The following G6PC2 variants were observed in gnomAD, a reference collection of about 807,000 sequenced individuals.
G6PC2 encodes glucose-6-phosphatase 2.
A neutral mutation model predicts 35.4 loss-of-function variants in G6PC2; 41 were observed. That is an observed-to-expected ratio of 1.16 (90% CI 0.90 to 1.50). The LOEUF is 1.50. Among genes scored for constraint, G6PC2 ranks in the 40% most tolerant of loss-of-function variants. The pLI, the probability that G6PC2 is intolerant of heterozygous loss-of-function variation, is 0.00. For missense variants in G6PC2, 441 were observed against 426.5 expected (o/e 1.03, Z -0.30); for synonymous variants, 165 against 153.2 (o/e 1.08, Z -0.57).
At chr2:168,904,691 T>C (rs1690670653) in intron 3 of G6PC2, 75 bp downstream of exon 3, 4 of 836,456 alleles carry the variant, frequency 4.8e-6, no homozygotes, top group Non-Finnish European at 8.5e-6. Flanking sequence ...TAAAAATTAA[T>C]TTTAGTGCAG....
rs1690738933 is a variant in G6PC2, at chr2:168,907,551, C to T, written c.557-17C>T. The T allele has an allele frequency of 1.2e-6, 2 of 1,613,242 alleles. No homozygotes were observed. The highest frequency in any genetic ancestry group is 4.5e-5 in the East Asian group (2 of 44,868). ...AAGGGCACACAGTCATTGTCAGTGT[C>T]TCTTTCCAATCCTCAGGCATGCTGG... is the stretch of plus-strand genomic sequence containing the variant. On this transcript the variant is annotated splice_polypyrimidine_tract_variant and intron_variant, in intron 4 of 4. Transcript: ENST00000375363.
chr2:168,904,544 G>A lies in G6PC2; in HGVS notation c.368G>A (p.Trp123Ter). 1 of 1,612,230 alleles carries A rather than the reference G, an allele frequency of 6.2e-7. No homozygotes were observed. Among genetic ancestry groups the A allele is most frequent in the Non-Finnish European group, 8.5e-7 (1 of 1,178,328 alleles). Residue 123 changes from tryptophan (W) to a stop codon, truncating the protein, a stop_gained, in exon 3 of 5, where the codon TGG becomes TAG. Coordinates refer to ENST00000375363, the MANE Select transcript of G6PC2 (RefSeq NM_021176.3). LOFTEE classifies it high-confidence loss of function. ...CATGCAATGGGCGCATCCTGTGTCT[G>A]GTATGTCATGGTAACCGCTGCCCTG... is the stretch of plus-strand genomic sequence containing the variant. ...SGHAMGASCV[W>*]YVMVTAALSH...
Position 168,908,152 on chromosome 2 carries a change from C to A in G6PC2, c.*73C>A. 2 of 1,245,960 alleles carry A rather than the reference C, an allele frequency of 1.6e-6. No homozygotes were observed. Among genetic ancestry groups the A allele is most frequent in the Non-Finnish European group, 2.4e-6 (2 of 849,444 alleles). The allele number at this position is 1,245,960 out of a possible 1,614,324, so 77.2% of individuals were successfully genotyped here. ...TCCACCAGTAGAGCCACAGAGTAGG[C>A]ACAGACCAGAGGCTTCTAATCCGAC... On this transcript the variant is annotated 3_prime_UTR_variant, in exon 5 of 5. Coordinates refer to ENST00000375363, the MANE Select transcript of G6PC2 (RefSeq NM_021176.3).
At chr2:168,902,088 T>A (rs1690609604) in intron 1 of G6PC2, among the ~76,000 whole-genome samples, 1 of 152,190 alleles carries the variant, frequency 6.6e-6, no homozygotes, top group Non-Finnish European at 1.5e-5. Context: ...CTGTAACACA[T>A]ATTCTGTGAT....
In G6PC2 at chr2:168,904,634, T is replaced by A; in HGVS notation, c.440+18T>A. On this transcript the variant is annotated intron_variant, in intron 3 of 4. Coordinates refer to ENST00000375363, the MANE Select transcript of G6PC2 (RefSeq NM_021176.3). The stretch of plus-strand genomic sequence containing the variant: ...CTGCACAGGTCAGCTTTGCTGCAGT[T>A]TCTGTAGCACTGGAATATGACAGTT... The A allele has an allele frequency of 5.5e-6, 7 of 1,273,808 alleles. No individual in the cohort carries two copies. The highest frequency in any genetic ancestry group is 8.1e-6 in the Non-Finnish European group (7 of 868,878). 78.9% of individuals were successfully genotyped at this position (1,273,808 alleles called of 1,614,324 possible). A position where few individuals can be genotyped will look rare whatever the true frequency, so the allele number is the denominator to read the frequency against.
rs550443332 is a variant in G6PC2, at chr2:168,907,516, C to T, written c.557-52C>T. On this transcript the variant is annotated intron_variant, in intron 4 of 4. Coordinates refer to ENST00000375363, the MANE Select transcript of G6PC2 (RefSeq NM_021176.3). ...CTTTAATGCAGAGAGGAATGATCCT[C>T]GAGGGGCTCAAGGGCACACAGTCAT... 9.7e-6 allele frequency: 15 copies of T among 1,549,078 alleles called. No homozygotes were observed. The African/African-American group carries it at 1.8e-4, about 18-fold the overall frequency.
Position 168,901,488 on chromosome 2 carries a change from G to A in G6PC2, c.157G>A (p.Val53Ile), listed in dbSNP as rs375874967. Reference sequence around the variant, plus strand: ...ACTTTGTTTTCAATTTAATCAGACAGTTGGAACCAAGATGATATGGGTAGC... The same window carrying A: ...ACTTTGTTTTCAATTTAATCAGACAATTGGAACCAAGATGATATGGGTAGC... ...FPLCFQFNQT[V>I]GTKMIWVAVI... The change falls in exon 1 of 5, where the codon GTT becomes ATT. Residue 53 changes from valine to isoleucine, a missense_variant. Physicochemically the swap from Val to Ile is conservative, Grantham distance 29. Transcript: ENST00000375363. The A allele has an allele frequency of 1.3e-6, 2 of 1,599,380 alleles. No individual in the cohort carries two copies. Among genetic ancestry groups the A allele is most frequent in the African/African-American group, 2.7e-5 (2 of 74,624 alleles).
At position 168,907,586 on chromosome 2, in the gene G6PC2, C is replaced by G. The variant is rs1409829770; in HGVS notation, c.575C>G (p.Ala192Gly). ...TCCTCAGGCATGCTGGTGGCAGAGG[C>G]CTTTGAACACACTCCAGGCATCCAA... The part of the protein sequence containing the change: ...GVIGGMLVAE[A>G]FEHTPGIQTA... The change falls in exon 5 of 5, where the codon GCC (alanine) becomes GGC (glycine). Residue 192 changes from alanine (A) to glycine (G), a missense_variant. Physicochemically the swap from Ala to Gly is moderately conservative, Grantham distance 60. Coordinates refer to ENST00000375363, the MANE Select transcript of G6PC2 (RefSeq NM_021176.3). The G allele has an allele frequency of 6.2e-7, 1 of 1,614,010 alleles. No homozygotes were observed. Among genetic ancestry groups the G allele is most frequent in the Admixed American group, 1.7e-5 (1 of 60,022 alleles).
rs370470317 is a variant in G6PC2, at chr2:168,907,956, C to T, written c.945C>T (p.His315=). ...ACCATTTCCTCCAGATCCCGACTCA[C>T]GAAGAGCATTTATTTTATGTGCTGT... The part of the protein sequence containing the change: ...QLYHFLQIPT[H]EEHLFYVLSF... Residue 315 remains histidine (H), a synonymous_variant, in exon 5 of 5, where the codon CAC becomes CAT. Coordinates refer to ENST00000375363, the MANE Select transcript of G6PC2 (RefSeq NM_021176.3). 16 of 1,613,950 alleles carry T rather than the reference C, an allele frequency of 9.9e-6. No individual in the cohort carries two copies. Among genetic ancestry groups the T allele is most frequent in the South Asian group, 5.5e-5 (5 of 91,082 alleles).
Position 168,906,759 on chromosome 2 carries a change from T to C in G6PC2, c.536T>C (p.Val179Ala). 6.4e-7 allele frequency: 1 copy of C among 1,555,988 alleles called. No homozygotes were observed. The highest frequency in any genetic ancestry group is 8.9e-7 in the Non-Finnish European group (1 of 1,126,886). ...VFIATHFPHQ[V>A]ILGVIGGMLV... ...ATAGCAACACATTTTCCTCATCAAG[T>C]TATTCTTGGAGTAATTGGTGGTAAA... The change falls in exon 4 of 5, where the codon GTT becomes GCT. Residue 179 changes from valine to alanine, a missense_variant. Coordinates refer to ENST00000375363, the MANE Select transcript of G6PC2 (RefSeq NM_021176.3).
chr2:168,904,641 G>A (rs1483567689), intron 3 of G6PC2, 25 bp downstream of exon 3: 2 of 1,199,996 alleles, frequency 1.7e-6, no homozygotes, highest in African/African-American at 1.5e-5. Flanking sequence ...AGTTTCTGTA[G>A]CACTGGAATA....
chr2:168,903,016 T>C (rs1690632315), intron 2 of G6PC2: 1 of 197,210 alleles, frequency 5.1e-6, no homozygotes, highest in Non-Finnish European at 1.0e-5. Context: ...AATGTTACTA[T>C]AGCCAGTAAA....
rs1690765456 is a variant in G6PC2 at position 168,908,185 on chromosome 2, A to T, written c.*106A>T. 2 of 948,288 alleles carry T rather than the reference A, an allele frequency of 2.1e-6. No individual in the cohort carries two copies. The highest frequency in any genetic ancestry group is 1.7e-5 in the Admixed American group (1 of 58,268). The allele number at this position is 948,288 out of a possible 1,614,324, so 58.7% of individuals were successfully genotyped here. On this transcript the variant is annotated 3_prime_UTR_variant, in exon 5 of 5. Coordinates refer to ENST00000375363, the MANE Select transcript of G6PC2 (RefSeq NM_021176.3). ...AGAGGCTTCTAATCCGACTTCACAG[A>T]ATAGCGGCACAGGCCCCATTCCCCA...
chr2:168,904,916 T>G (rs914598792), intron 3 of G6PC2, among the ~76,000 whole-genome samples: 1 of 152,242 alleles, frequency 6.6e-6, no homozygotes. Context: ...CATAAATAAG[T>G]CGTCTAAAAT....
Position 168,903,581 on chromosome 2 carries a change from G to T in G6PC2, c.329-924G>T, listed in dbSNP as rs114875160. Among the ~76,000 whole-genome samples the T allele has an allele frequency of 6.9e-3, 1,047 of 151,982 alleles. 21 individuals carry two copies. The highest frequency in any genetic ancestry group is 0.024 in the African/African-American group (985 of 41,452). On this transcript the variant is annotated intron_variant, in intron 2 of 4. Coordinates refer to ENST00000375363, the MANE Select transcript of G6PC2 (RefSeq NM_021176.3). ...TCGTGGTCAATTCCAGTCCTTTCCG[G>T]CATGTGTTCCACCTTATAAGACATT...
chr2:168,907,450 T>C (rs1690737174), intron 4 of G6PC2, 118 bp from the exon 5 acceptor site: 1 of 1,020,158 alleles, frequency 9.8e-7, no homozygotes, highest in Non-Finnish European at 1.5e-6. Flanking sequence ...GGATAGAACC[T>C]CTGTGTCTAA....
chr2:168,901,885 T>C (rs539293440), intron 1 of G6PC2, among the ~76,000 whole-genome samples: 7 of 152,116 alleles, frequency 4.6e-5, no homozygotes, highest in African/African-American at 1.4e-4. Flanking sequence ...TACAGGCATG[T>C]GCCACCACAC....
At chr2:168,906,243 C>T (rs937694171) in intron 3 of G6PC2, among the ~76,000 whole-genome samples, 4 of 152,034 alleles carry the variant, frequency 2.6e-5, no homozygotes, top group African/African-American at 9.7e-5. Flanking sequence ...ACTGAGTTTT[C>T]CTCAAGCAAA....
At chr2:168,903,534 A>T (rs558674301) in intron 2 of G6PC2, among the ~76,000 whole-genome samples, 39 of 152,276 alleles carry the variant, frequency 2.6e-4, no homozygotes, top group Non-Finnish European at 4.9e-4. Context: ...GATGGGTAAC[A>T]TTTGAGACCA....
Sources: allele counts gnomAD v4.1 joint callset (sites outside exome capture counted in the v4.1 genomes callset), GRCh38; gene constraint gnomAD v4.1.1; transcripts MANE v1.5; gene names NCBI Gene and HGNC (gene_info 2026-07-23, HGNC 2026-07-21).